The following ARHGEF26 variants were observed in gnomAD, a reference collection of about 807,000 sequenced individuals.
ARHGEF26 encodes Rho guanine nucleotide exchange factor (GEF) 26.
In ARHGEF26, 59 loss-of-function variants were observed where a neutral mutation model predicts 89.4. That is an observed-to-expected ratio of 0.66 (90% CI 0.54 to 0.82). The LOEUF is 0.82. ARHGEF26 is among the 40% of genes least tolerant of loss of function. The pLI is 0.00. For synonymous variants in ARHGEF26, 500 were observed against 428.4 expected, an observed-to-expected ratio of 1.17 and a Z score of -2.06; for missense variants, 1,234 against 1,085.6, an observed-to-expected ratio of 1.14 and a Z score of -1.92.
chr3:154,228,158 G>A (rs958711366), intron 11 of ARHGEF26, among the ~76,000 whole-genome samples: 1 of 145,270 alleles, frequency 6.9e-6, no homozygotes, highest in African/African-American at 2.6e-5. Context: ...TTTTTGAGAC[G>A]GGCGTTTTGC....
chr3:154,145,770 C>T (rs1204075104), intron 4 of ARHGEF26, among the ~76,000 whole-genome samples: 1 of 152,188 alleles, frequency 6.6e-6, no homozygotes, highest in African/African-American at 2.4e-5. Context: ...GTTCTCTCCA[C>T]AGATGTAGGA....
At chr3:154,246,493 A>G (rs2108292503) in intron 12 of ARHGEF26, among the ~76,000 whole-genome samples, 1 of 152,312 alleles carries the variant, frequency 6.6e-6, no homozygotes, top group South Asian at 2.1e-4. Flanking sequence ...ACTTGTGATT[A>G]TTTTAACAAT....
chr3:154,178,806 C>A (rs1488350055), intron 6 of ARHGEF26, among the ~76,000 whole-genome samples: 2 of 152,154 alleles, frequency 1.3e-5, no homozygotes, highest in African/African-American at 4.8e-5. Context: ...CCGGCCTCTT[C>A]TTAAGTGGAT....
chr3:154,235,728 G>T (rs775342455), intron 11 of ARHGEF26, among the ~76,000 whole-genome samples: 1 of 151,846 alleles, frequency 6.6e-6, no homozygotes, highest in Non-Finnish European at 1.5e-5. Context: ...ACTTTTTGCC[G>T]TATTAGTGTC....
intron 10 of ARHGEF26, 39 bp downstream of exon 10, chr3:154,217,997 T>C (rs1320573604): frequency 1.3e-6 from 2 of 1,516,168 alleles, no homozygotes; most frequent in Non-Finnish European, 1.8e-6. Flanking sequence ...CTTGCCTATG[T>C]TTTTCTCTAA....
intron 12 of ARHGEF26, among the ~76,000 whole-genome samples, chr3:154,252,359 AGTAT>A (rs1232747253): frequency 6.6e-6 from 1 of 152,224 alleles, no homozygotes; most frequent in Non-Finnish European, 1.5e-5. Context: ...GAGAGTTAAA[AGTAT>A]GTGTGTGGCG....
At chr3:154,194,536 T>C (rs1402795910) in intron 8 of ARHGEF26, 108 bp from the exon 9 acceptor site, 6 of 744,724 alleles carry the variant, frequency 8.1e-6, no homozygotes, top group South Asian at 3.4e-5. Flanking sequence ...ATCCGTAATA[T>C]CGTGTTTGGC....
intron 6 of ARHGEF26, among the ~76,000 whole-genome samples, chr3:154,183,393 C>T (rs921629159): frequency 6.6e-6 from 1 of 152,162 alleles, no homozygotes; most frequent in South Asian, 2.1e-4. Context: ...GTATTATCCC[C>T]GAAAAAAATT....
chr3:154,162,000 T>G (rs1448890479), intron 6 of ARHGEF26, among the ~76,000 whole-genome samples: 1 of 152,206 alleles, frequency 6.6e-6, no homozygotes, highest in Non-Finnish European at 1.5e-5. Flanking sequence ...AGTTGTCACA[T>G]GGAGATTTAA....
intron 9 of ARHGEF26, among the ~76,000 whole-genome samples, chr3:154,216,336 G>C (rs1715722150): frequency 6.6e-6 from 1 of 151,846 alleles, no homozygotes. Context: ...AAACGACTGT[G>C]AAAGTCCTTT....
rs369320894 is a variant in ARHGEF26 at position 154,255,834 on chromosome 3, G to C, written c.*361G>C. 2 of 1,031,534 alleles carry C rather than the reference G, an allele frequency of 1.9e-6. No homozygotes were observed. The allele number at this position is 1,031,534 out of a possible 1,614,324, so 63.9% of individuals were successfully genotyped here. On this transcript the variant is annotated 3_prime_UTR_variant, in exon 15 of 15. Coordinates refer to ENST00000465093, the MANE Select transcript of ARHGEF26 (RefSeq NM_015595.4). ...CTATCCTTGCATTACTAAGGTGACT[G>C]TCTCTCTTTATACATCCTTGTATGG...
rs183863725 is a variant in ARHGEF26 at position 154,254,064 on chromosome 3, C to T, written c.2369-656C>T. 5.3e-5 allele frequency among the ~76,000 whole-genome samples: 8 copies of T among 152,160 alleles called. No individual in the cohort carries two copies. In the East Asian group the frequency reaches 5.8e-4, roughly 11 times the overall value. On this transcript the variant is annotated intron_variant, in intron 13 of 14. Transcript: ENST00000465093. ...CCAAGTAGCTGAGACTACAGGCGCCCGCCACCATGCCCAGCTAATTTTTTG... is the reference window on the plus strand; with the variant it reads ...CCAAGTAGCTGAGACTACAGGCGCCTGCCACCATGCCCAGCTAATTTTTTG...
In ARHGEF26 at chr3:154,217,875, C is replaced by T. The variant is rs772105688; in HGVS notation, c.1852C>T (p.Arg618Ter). 2.5e-6 allele frequency: 4 copies of T among 1,596,654 alleles called. No individual in the cohort carries two copies. Among genetic ancestry groups the T allele is most frequent in the Non-Finnish European group, 2.6e-6 (3 of 1,171,126 alleles). ...TACTCTTCTGTGTTCCCAGTTGGTT[C>T]GACTATGCAATGAGGGCGCCCGGAA... is the stretch of plus-strand genomic sequence containing the variant. ...RALKEVSKLV[R>*]LCNEGARKME... The change falls in exon 10 of 15, where the codon CGA becomes TGA. Residue 618 changes from arginine to a stop codon, truncating the protein, a stop_gained. Transcript: ENST00000465093. LOFTEE classifies it high-confidence loss of function.
At chr3:154,239,972 G>A (rs1218075457) in intron 11 of ARHGEF26, among the ~76,000 whole-genome samples, 1 of 152,050 alleles carries the variant, frequency 6.6e-6, no homozygotes, top group Non-Finnish European at 1.5e-5. Flanking sequence ...TTTGGGGGGT[G>A]AGGTCTTGTT....
intron 4 of ARHGEF26, among the ~76,000 whole-genome samples, chr3:154,142,176 A>G (rs961960839): frequency 3.3e-5 from 5 of 152,202 alleles, no homozygotes; most frequent in Non-Finnish European, 7.3e-5. Context: ...AAGAGGAGAA[A>G]ATAAAAGTAA....
chr3:154,214,902 A>G (rs1426386674), intron 9 of ARHGEF26, among the ~76,000 whole-genome samples: 1 of 152,218 alleles, frequency 6.6e-6, no homozygotes, highest in Non-Finnish European at 1.5e-5. Flanking sequence ...GGCCACAGCT[A>G]AAGATATGCT....
Position 154,256,705 on chromosome 3 carries a change from G to GGA in ARHGEF26, c.*1233_*1234dup. The GGA allele has an allele frequency of 7.5e-7, 1 of 1,329,304 alleles. No homozygotes were observed. Among genetic ancestry groups the GGA allele is most frequent in the Non-Finnish European group, 9.6e-7 (1 of 1,045,168 alleles). The allele number at this position is 1,329,304 out of a possible 1,614,324, so 82.3% of individuals were successfully genotyped here. The stretch of plus-strand genomic sequence containing the variant: ...ACACACTACAGTAATCTCAAGGAAG[G>GGA]GAAAATTAGGCCTTAAAAGATACCA... On this transcript the variant is annotated 3_prime_UTR_variant, in exon 15 of 15. Coordinates refer to ENST00000465093, the MANE Select transcript of ARHGEF26 (RefSeq NM_015595.4).
At chr3:154,158,134 T>A (rs1211162916) in intron 6 of ARHGEF26, among the ~76,000 whole-genome samples, 3 of 152,140 alleles carry the variant, frequency 2.0e-5, no homozygotes, top group Non-Finnish European at 4.4e-5. Context: ...AAGCCTGAAT[T>A]GTCCCACCCA....
At chr3:154,184,549 C>G (rs188820836) in intron 6 of ARHGEF26, among the ~76,000 whole-genome samples, 2 of 152,126 alleles carry the variant, frequency 1.3e-5, no homozygotes, top group South Asian at 2.1e-4. Context: ...CTTTATTGAC[C>G]GGGTGGAAAC....
Sources: allele counts gnomAD v4.1 joint callset (sites outside exome capture counted in the v4.1 genomes callset), GRCh38; gene constraint gnomAD v4.1.1; transcripts MANE v1.5; gene names NCBI Gene and HGNC (gene_info 2026-07-23, HGNC 2026-07-21).